ADAMTS9: variants seen among roughly 807,000 people sequenced by gnomAD.
The protein encoded by ADAMTS9 is A disintegrin and metalloproteinase with thrombospondin motifs 9.
Under a neutral mutation model 257.1 loss-of-function variants are expected in ADAMTS9, and 107 were observed. The ratio of observed to expected loss-of-function variants is 0.42; its 90% CI spans 0.36 to 0.49. ADAMTS9 has a LOEUF of 0.49. Among genes scored for constraint, ADAMTS9 ranks in the 20% least tolerant of loss-of-function variants. The pLI is 0.03. For missense variants in ADAMTS9, 2,353 were observed against 2,469.1 expected (o/e 0.95, Z 1.00); for synonymous variants, 982 against 880.9 (o/e 1.11, Z -2.03).
chr3:64,594,557 T>C, intron 27 of ADAMTS9, 123 bp from the exon 28 acceptor site: 2 of 1,190,742 alleles, frequency 1.7e-6, no homozygotes, highest in Non-Finnish European at 1.2e-6. Flanking sequence ...CTCTGACAGA[T>C]GGAACCAAGG....
chr3:64,578,830 C>T (rs917707081), intron 28 of ADAMTS9, among the ~76,000 whole-genome samples: 1 of 152,092 alleles, frequency 6.6e-6, no homozygotes, highest in Non-Finnish European at 1.5e-5. Flanking sequence ...AATCCTTTGG[C>T]ACTATCTCAA....
chr3:64,518,540 G>A (rs1425950659), intron 39 of ADAMTS9, among the ~76,000 whole-genome samples: 1 of 152,120 alleles, frequency 6.6e-6, no homozygotes, highest in Non-Finnish European at 1.5e-5. Flanking sequence ...ACTTTAACAT[G>A]CATGACTCCT....
rs1321284198 is a variant in ADAMTS9 at position 64,517,429 on chromosome 3, T to TTTTTTTTTTTTTTTTG, written c.*6-309_*6-308insCAAAAAAAAAAAAAAA. ...TAATTAAAAATGGTTTTTTTTTTTTTTTTTTTTTTTGCAGAAATGGGAGTC... is the reference window on the plus strand; with the variant it reads ...TAATTAAAAATGGTTTTTTTTTTTTTTTTTTTTTTTTTTTTGTTTTTTTTTTGCAGAAATGGGAGTC... On this transcript the variant is annotated intron_variant, in intron 39 of 39. Transcript: ENST00000498707. 1.3e-3 allele frequency among the ~76,000 whole-genome samples: 170 copies of TTTTTTTTTTTTTTTTG among 130,658 alleles called. 27 individuals carry two copies. The highest frequency in any genetic ancestry group is 2.5e-3 in the Non-Finnish European group (148 of 60,144). 85.7% of individuals were successfully genotyped at this position (130,658 alleles called of 152,430 possible). A position where few individuals can be genotyped will look rare whatever the true frequency, so the allele number is the denominator to read the frequency against.
At chr3:64,572,275 T>C (rs757340692) in intron 28 of ADAMTS9, among the ~76,000 whole-genome samples, 7 of 152,184 alleles carry the variant, frequency 4.6e-5, no homozygotes, top group Admixed American at 2.6e-4. Flanking sequence ...ATGTGGTGTT[T>C]TGTTCAGAGA....
At chr3:64,661,159 T>G (rs80118777) in intron 3 of ADAMTS9, among the ~76,000 whole-genome samples, 4,176 of 152,254 alleles carry the variant, frequency 0.027, 190 homozygotes, top group South Asian at 0.16. Context: ...TTTTATGCAG[T>G]CCAGTTATAG....
intron 3 of ADAMTS9, among the ~76,000 whole-genome samples, chr3:64,671,252 G>C (rs1308084350): frequency 6.6e-6 from 1 of 152,156 alleles, no homozygotes; most frequent in Admixed American, 6.5e-5. Flanking sequence ...CAAACACACT[G>C]TGCTTAGTGA....
intron 28 of ADAMTS9, among the ~76,000 whole-genome samples, chr3:64,585,640 A>G (rs941004192): frequency 6.6e-6 from 1 of 152,164 alleles, no homozygotes; most frequent in African/African-American, 2.4e-5. Context: ...CCTCATCACC[A>G]TGAACAGATG....
chr3:64,586,269 T>C (rs1205000795), intron 28 of ADAMTS9, among the ~76,000 whole-genome samples: 1 of 151,974 alleles, frequency 6.6e-6, no homozygotes, highest in Non-Finnish European at 1.5e-5. Flanking sequence ...TTCCAAAATG[T>C]AAGTGGTTGT....
At chr3:64,680,213 G>A (rs1207906990) in intron 3 of ADAMTS9, among the ~76,000 whole-genome samples, 3 of 152,186 alleles carry the variant, frequency 2.0e-5, no homozygotes, top group African/African-American at 7.2e-5. Context: ...CCTCTGGGGA[G>A]CATTTGAGGA....
chr3:64,645,874 C>G (rs976307757), intron 11 of ADAMTS9, among the ~76,000 whole-genome samples: 2 of 152,164 alleles, frequency 1.3e-5, no homozygotes, highest in African/African-American at 4.8e-5. Flanking sequence ...CCCCATCCCT[C>G]AGAAGATAGA....
intron 27 of ADAMTS9, among the ~76,000 whole-genome samples, chr3:64,596,401 C>T (rs1472351896): frequency 1.3e-5 from 2 of 152,166 alleles, no homozygotes; most frequent in East Asian, 3.9e-4. Context: ...AATTATAACA[C>T]CTACTCAATC....
At chr3:64,616,979 A>G (rs540750732) in intron 19 of ADAMTS9, among the ~76,000 whole-genome samples, 12 of 152,282 alleles carry the variant, frequency 7.9e-5, no homozygotes, top group East Asian at 1.9e-4. Context: ...CCTCATGCTT[A>G]TCTTGGAATT....
intron 22 of ADAMTS9, among the ~76,000 whole-genome samples, chr3:64,608,258 C>CAAAAAAAAAAAAAA (rs57247914): frequency 5.3e-4 from 28 of 53,224 alleles, no homozygotes; most frequent in African/African-American, 7.4e-4. Context: ...AAACTAAAAC[C>CAAAAAAAAAAAAAA]AAAAAAAAAA....
intron 3 of ADAMTS9, among the ~76,000 whole-genome samples, chr3:64,675,538 G>A (rs895819730): frequency 2.0e-5 from 3 of 152,066 alleles, no homozygotes; most frequent in Non-Finnish European, 4.4e-5. Flanking sequence ...AGGATCCCAT[G>A]AGCCCTGGAA....
chr3:64,606,913 A>T (rs780521068), intron 23 of ADAMTS9, 47 bp downstream of exon 23: 13 of 1,609,388 alleles, frequency 8.1e-6, no homozygotes, highest in Non-Finnish European at 1.7e-6. Flanking sequence ...GCAGTTTGGT[A>T]CCTTGGTCCC....
chr3:64,601,532 G>A (rs2084462004), intron 26 of ADAMTS9, among the ~76,000 whole-genome samples: 2 of 152,160 alleles, frequency 1.3e-5, no homozygotes. Context: ...ATGCCACTTT[G>A]AGACTGCACC....
chr3:64,566,490 G>A (rs1469674788), intron 29 of ADAMTS9, among the ~76,000 whole-genome samples: 1 of 152,092 alleles, frequency 6.6e-6, no homozygotes. Flanking sequence ...TTCTGGGGAG[G>A]CATTCTGATA....
chr3:64,539,170 T>A (rs372448596), intron 37 of ADAMTS9, 33 bp downstream of exon 37: 64 of 1,572,300 alleles, frequency 4.1e-5, no homozygotes, highest in Non-Finnish European at 5.5e-5. Context: ...GGGAGGTGAA[T>A]CCCTGGCAAG....
intron 28 of ADAMTS9, chr3:64,588,023 G>A (rs2084191823): frequency 6.6e-6 from 1 of 152,122 alleles, no homozygotes; most frequent in South Asian, 2.1e-4. Flanking sequence ...GGGTTCTAAT[G>A]GAATGGTGAT....
Sources: allele counts gnomAD v4.1 joint callset (sites outside exome capture counted in the v4.1 genomes callset), GRCh38; gene constraint gnomAD v4.1.1; transcripts MANE v1.5; gene names NCBI Gene and HGNC (gene_info 2026-07-23, HGNC 2026-07-21).